KAZN: variants seen among roughly 807,000 people sequenced by gnomAD.
KAZN encodes the protein kazrin.
KAZN carries 40 observed loss-of-function variants against 87.4 expected under a neutral mutation model. The observed-to-expected ratio is 0.46, with a 90% CI of 0.36 to 0.60. The LOEUF is 0.60. Ranked by LOEUF, KAZN falls within the 20% of genes least tolerant of loss-of-function variation. The pLI, the probability that KAZN is intolerant of heterozygous loss-of-function variation, is 0.00. For synonymous variants in KAZN, 466 were observed against 458.3 expected (o/e 1.02, Z -0.22); for missense variants, 898 against 1,073.9 (o/e 0.84, Z 2.29).
At chr1:14,400,816 G>A (rs1414710940) in intron 2 of KAZN, among the ~76,000 whole-genome samples, 1 of 152,180 alleles carries the variant, frequency 6.6e-6, no homozygotes, top group African/African-American at 2.4e-5. Flanking sequence ...GATGTGACTA[G>A]ATCACAAGAA....
intron 2 of KAZN, among the ~76,000 whole-genome samples, chr1:14,485,892 CAA>C (rs1038275850): frequency 9.5e-4 from 81 of 85,486 alleles, no homozygotes; most frequent in African/African-American, 2.3e-3. Context: ...GACTCCATCT[CAA>C]AAAAAAAAAA....
At chr1:14,600,523 G>A (rs1676873649) in intron 1 of KAZN, among the ~76,000 whole-genome samples, 1 of 152,126 alleles carries the variant, frequency 6.6e-6, no homozygotes, top group Non-Finnish European at 1.5e-5. Context: ...ATTGGGGGGA[G>A]TACTTTGGTA....
At chr1:14,395,597 A>G (rs999259524) in intron 2 of KAZN, among the ~76,000 whole-genome samples, 1 of 152,032 alleles carries the variant, frequency 6.6e-6, no homozygotes, top group African/African-American at 2.4e-5. Flanking sequence ...TAATTTACTT[A>G]CCCCGACACC....
rs191312048 is a variant in KAZN at position 14,226,567 on chromosome 1, A to G, written c.249+45975A>G. ...TATTACTGGGTATACAGCCAAAGGA[A>G]TATAAGTCATTCTACCATAAAGACA... On this transcript the variant is annotated intron_variant, in intron 2 of 16. Coordinates refer to the KAZN transcript ENST00000636203. Among the ~76,000 whole-genome samples the G allele has an allele frequency of 3.9e-5, 6 of 152,330 alleles. No homozygotes were observed. In the East Asian group the frequency reaches 9.6e-4, roughly 24 times the overall value.
chr1:14,202,838 A>G (rs1236886918), intron 2 of KAZN, among the ~76,000 whole-genome samples: 1 of 152,076 alleles, frequency 6.6e-6, no homozygotes, highest in Non-Finnish European at 1.5e-5. Flanking sequence ...CCAACATGCC[A>G]AAATCCCGTC....
intron 1 of KAZN, among the ~76,000 whole-genome samples, chr1:14,928,186 C>T (rs1431604974): frequency 6.6e-6 from 1 of 152,060 alleles, no homozygotes; most frequent in African/African-American, 2.4e-5. Context: ...CGCAGTGGCT[C>T]ACACCTGTAA....
At chr1:14,231,096 G>T (rs1647783267) in intron 2 of KAZN, among the ~76,000 whole-genome samples, 1 of 152,108 alleles carries the variant, frequency 6.6e-6, no homozygotes, top group Admixed American at 6.6e-5. Flanking sequence ...GAGGCTATTG[G>T]TTCTATTATC....
chr1:13,980,480 T>C (rs564401244), intron 1 of KAZN, among the ~76,000 whole-genome samples: 1 of 152,264 alleles, frequency 6.6e-6, no homozygotes, highest in Admixed American at 6.5e-5. Context: ...AATGGTATAG[T>C]AATATCAAGG....
chr1:15,095,080 CT>C, intron 10 of KAZN, 147 bp downstream of exon 10: 1 of 631,020 alleles, frequency 1.6e-6, no homozygotes, highest in South Asian at 1.8e-5. Context: ...GGGGATGCCC[CT>C]GATGAGGGGG....
intron 1 of KAZN, among the ~76,000 whole-genome samples, chr1:13,975,682 C>T (rs896674637): frequency 1.1e-4 from 16 of 152,024 alleles, no homozygotes; most frequent in Admixed American, 5.9e-4. Flanking sequence ...CTTAACACAC[C>T]GGCAGGTAGA....
At chr1:14,128,462 A>AG (rs762510924) in intron 1 of KAZN, among the ~76,000 whole-genome samples, 5 of 152,114 alleles carry the variant, frequency 3.3e-5, no homozygotes, top group Non-Finnish European at 5.9e-5. Context: ...AGACACTTGC[A>AG]GAGGGGTGGT....
intron 2 of KAZN, among the ~76,000 whole-genome samples, chr1:14,427,929 C>T (rs1411799618): frequency 6.6e-6 from 1 of 152,096 alleles, no homozygotes; most frequent in Admixed American, 6.5e-5. Context: ...CGAAGAGTTC[C>T]AGTATGGATT....
At chr1:14,219,593 C>A (rs186652182) in intron 2 of KAZN, among the ~76,000 whole-genome samples, 378 of 152,194 alleles carry the variant, frequency 2.5e-3, no homozygotes, top group Non-Finnish European at 3.5e-3. Context: ...TCATGAATAA[C>A]CAACTCTTTT....
intron 1 of KAZN, among the ~76,000 whole-genome samples, chr1:14,152,984 G>GT (rs1239545272): frequency 6.6e-6 from 1 of 152,118 alleles, no homozygotes; most frequent in Non-Finnish European, 1.5e-5. Flanking sequence ...CCATTGGTAA[G>GT]TTTTTTTAAT....
chr1:15,046,754 GCAGGGACTTCTGGGGTC>G (rs1406270468), intron 4 of KAZN, among the ~76,000 whole-genome samples: 1 of 152,236 alleles, frequency 6.6e-6, no homozygotes, highest in African/African-American at 2.4e-5. Flanking sequence ...AGCTGCGGCT[GCAGGGACTTCTGGGGTC>G]CAGGGGGTTC....
rs76879680 is a variant in KAZN, at chr1:14,017,864, A to G, written c.91+124108A>G. On this transcript the variant is annotated intron_variant, in intron 1 of 16. Coordinates refer to the KAZN transcript ENST00000636203. ...GGGTACTTGGCCCAGCCCCCTCACC[A>G]AGACTCCCTGAGAGCCACGTGTTGT... Among the ~76,000 whole-genome samples the G allele has an allele frequency of 9.7e-3, 1,475 of 152,212 alleles. 26 individuals are homozygous for G. The highest frequency in any genetic ancestry group is 0.034 in the African/African-American group (1,405 of 41,524).
At chr1:14,411,045 A>C (rs866893274) in intron 2 of KAZN, among the ~76,000 whole-genome samples, 1 of 152,334 alleles carries the variant, frequency 6.6e-6, no homozygotes, top group African/African-American at 2.4e-5. Context: ...AATGAACATC[A>C]AGTTACAGGA....
At chr1:15,047,066 T>C (rs1673634567) in intron 4 of KAZN, among the ~76,000 whole-genome samples, 1 of 152,232 alleles carries the variant, frequency 6.6e-6, no homozygotes, top group Non-Finnish European at 1.5e-5. Flanking sequence ...TCTGGCCTCC[T>C]TCTGGCAGGC....
chr1:14,001,602 T>G (rs2101145928), intron 1 of KAZN, among the ~76,000 whole-genome samples: 1 of 152,314 alleles, frequency 6.6e-6, no homozygotes, highest in South Asian at 2.1e-4. Flanking sequence ...GACTTCAAAC[T>G]ATACTGCAAG....
Sources: gnomAD v4.1 joint callset for allele counts (sites outside exome capture counted in the v4.1 genomes callset) on GRCh38, gnomAD v4.1.1 for gene constraint, MANE v1.5 for transcripts, NCBI Gene and HGNC (gene_info 2026-07-23, HGNC 2026-07-21) for gene names.